The following THSD7A variants were observed in gnomAD, a reference collection of about 807,000 sequenced individuals.
THSD7A encodes the protein thrombospondin type 1 domain containing 7A, also known as thrombospondin type-1 domain-containing protein 7A.
In THSD7A, 96 loss-of-function variants were observed where a neutral mutation model predicts 231.3. The ratio of observed to expected loss-of-function variants is 0.41; its 90% CI spans 0.35 to 0.49. The LOEUF (loss-of-function observed/expected upper bound fraction) is 0.49. Ranked by LOEUF, THSD7A falls within the 20% of genes least tolerant of loss-of-function variation. The pLI, the probability that THSD7A is intolerant of heterozygous loss-of-function variation, is 0.05. For missense variants in THSD7A, 2,290 were observed against 2,070.2 expected (o/e 1.11, Z -2.06); for synonymous variants, 940 against 743.3 (o/e 1.26, Z -4.30).
intron 17 of THSD7A, among the ~76,000 whole-genome samples, chr7:11,416,076 A>T (rs1783949716): frequency 6.6e-6 from 1 of 152,194 alleles, no homozygotes. Flanking sequence ...AAGAAATATA[A>T]AGCCCAGGAA....
chr7:11,619,170 T>C (rs1410827732), intron 2 of THSD7A, among the ~76,000 whole-genome samples: 1 of 152,068 alleles, frequency 6.6e-6, no homozygotes, highest in African/African-American at 2.4e-5. Context: ...TGGTTACATT[T>C]GTTACTAAAA....
chr7:11,591,665 T>A (rs1258426265), intron 3 of THSD7A, among the ~76,000 whole-genome samples: 1 of 152,180 alleles, frequency 6.6e-6, no homozygotes, highest in African/African-American at 2.4e-5. Context: ...TGGGGATTTG[T>A]TGCTTAACGA....
chr7:11,566,850 A>C (rs1790350383), intron 4 of THSD7A, among the ~76,000 whole-genome samples: 1 of 151,810 alleles, frequency 6.6e-6, no homozygotes, highest in East Asian at 1.9e-4. Context: ...TGTCATTGAA[A>C]ATCTCAAATC....
chr7:11,383,848 G>A (rs1357380301), intron 23 of THSD7A: 1 of 151,924 alleles, frequency 6.6e-6, no homozygotes, highest in Non-Finnish European at 1.5e-5. Context: ...AGAGACCCTG[G>A]GAGACACTGA....
chr7:11,600,489 T>G (rs1780513042), intron 2 of THSD7A, among the ~76,000 whole-genome samples: 1 of 152,224 alleles, frequency 6.6e-6, no homozygotes, highest in African/African-American at 2.4e-5. Flanking sequence ...TGGTGGATTC[T>G]AAATTATAAT....
chr7:11,371,520 T>G lies in THSD7A; in HGVS notation c.*4274A>C, dbSNP rs1782052152. On this transcript the variant is annotated 3_prime_UTR_variant, in exon 28 of 28. Transcript: ENST00000423059. ...CCCACACTTGAATTTGGTAATATAT[T>G]TATAAACAGGAGATCCCAGATCATT... 2 of 152,164 alleles carry G rather than the reference T, an allele frequency of 1.3e-5. No homozygotes were observed. The highest frequency in any genetic ancestry group is 2.1e-4 in the South Asian group (1 of 4,836). 9.4% of individuals were successfully genotyped at this position (152,164 alleles called of 1,614,324 possible).
At chr7:11,520,198 T>G (rs1418899830) in intron 6 of THSD7A, 2 of 152,178 alleles carry the variant, frequency 1.3e-5, no homozygotes, top group African/African-American at 4.8e-5. Context: ...CTGCAGGCAT[T>G]TGAGTCAAAT....
intron 1 of THSD7A, among the ~76,000 whole-genome samples, chr7:11,757,844 G>C (rs897101146): frequency 2.4e-4 from 37 of 151,536 alleles, no homozygotes; most frequent in Admixed American, 9.2e-4. Flanking sequence ...GGCTAGTCAA[G>C]TGTTAATTAC....
At chr7:11,755,204 T>C (rs967095156) in intron 1 of THSD7A, among the ~76,000 whole-genome samples, 4 of 151,998 alleles carry the variant, frequency 2.6e-5, no homozygotes, top group Non-Finnish European at 4.4e-5. Context: ...CAAAGAATTA[T>C]CTAGTCAAAA....
intron 6 of THSD7A, among the ~76,000 whole-genome samples, chr7:11,490,397 T>C (rs1325757423): frequency 6.6e-6 from 1 of 152,128 alleles, no homozygotes; most frequent in African/African-American, 2.4e-5. Context: ...ACAAATTTTA[T>C]TAAAACATCT....
chr7:11,749,638 G>A (rs1782433577), intron 1 of THSD7A, among the ~76,000 whole-genome samples: 1 of 151,998 alleles, frequency 6.6e-6, no homozygotes, highest in Non-Finnish European at 1.5e-5. Context: ...GCACTCAAGA[G>A]TGGAAACTTG....
chr7:11,610,608 G>C (rs1373832180), intron 2 of THSD7A, among the ~76,000 whole-genome samples: 2 of 152,062 alleles, frequency 1.3e-5, no homozygotes, highest in East Asian at 3.9e-4. Context: ...TCTGCACTCA[G>C]AGAAATGGGA....
At chr7:11,599,785 T>C (rs1780488421) in intron 2 of THSD7A, among the ~76,000 whole-genome samples, 1 of 151,998 alleles carries the variant, frequency 6.6e-6, no homozygotes, top group Non-Finnish European at 1.5e-5. Context: ...ATGCAAAGTA[T>C]TGATGCTGGG....
chr7:11,393,233 T>C (rs114623529), intron 23 of THSD7A, among the ~76,000 whole-genome samples: 1,610 of 152,338 alleles, frequency 0.011, 33 homozygotes, highest in African/African-American at 0.037. Context: ...CCGTTGGTGA[T>C]ATCCAGGCAA....
intron 6 of THSD7A, among the ~76,000 whole-genome samples, chr7:11,492,953 A>C (rs1314836147): frequency 6.6e-6 from 1 of 152,050 alleles, no homozygotes; most frequent in Non-Finnish European, 1.5e-5. Flanking sequence ...GGAGAATGAA[A>C]TTTCAGCAAT....
intron 6 of THSD7A, among the ~76,000 whole-genome samples, chr7:11,498,970 C>T (rs980511890): frequency 6.6e-6 from 1 of 152,154 alleles, no homozygotes; most frequent in African/African-American, 2.4e-5. Flanking sequence ...GGATCTTCAG[C>T]CACCTTGCAC....
chr7:11,659,149 T>C (rs1782825133), intron 1 of THSD7A, among the ~76,000 whole-genome samples: 3 of 151,702 alleles, frequency 2.0e-5, no homozygotes, highest in African/African-American at 7.2e-5. Context: ...TGCTTGGCCA[T>C]GAGTGGCTTA....
At chr7:11,561,326 A>T (rs1365883248) in intron 4 of THSD7A, among the ~76,000 whole-genome samples, 1 of 152,216 alleles carries the variant, frequency 6.6e-6, no homozygotes, top group Non-Finnish European at 1.5e-5. Context: ...CTATCAAGAT[A>T]ATCACATATC....
chr7:11,480,146 G>A (rs974264088), intron 7 of THSD7A, among the ~76,000 whole-genome samples: 6 of 152,116 alleles, frequency 3.9e-5, no homozygotes, highest in African/African-American at 1.4e-4. Flanking sequence ...TGCTTATAAT[G>A]CAACCACTAA....
Sources: allele counts gnomAD v4.1 joint callset (sites outside exome capture counted in the v4.1 genomes callset), GRCh38; gene constraint gnomAD v4.1.1; transcripts MANE v1.5; gene names NCBI Gene and HGNC (gene_info 2026-07-23, HGNC 2026-07-21).